The following KYNU variants were observed in gnomAD, a reference collection of about 807,000 sequenced individuals.
KYNU encodes kynureninase.
KYNU carries 54 observed loss-of-function variants against 59.2 expected under a neutral mutation model. That is an observed-to-expected ratio of 0.91 (90% CI 0.73 to 1.14). KYNU has a LOEUF of 1.14. KYNU is among the 50% of genes most tolerant of loss of function. The pLI is 0.00. For missense variants in KYNU, 567 were observed against 554.4 expected, an observed-to-expected ratio of 1.02 and a Z score of -0.23; for synonymous variants, 177 against 192.0, an observed-to-expected ratio of 0.92 and a Z score of 0.65.
At chr2:143,041,988 G>A (rs559960767) in intron 13 of KYNU, 59 bp from the exon 14 acceptor site, 58 of 1,570,598 alleles carry the variant, frequency 3.7e-5, no homozygotes, top group Non-Finnish European at 4.9e-5. Flanking sequence ...TATCTGGAAT[G>A]TAGATTTTCA....
chr2:142,957,734 A>AAT lies in KYNU; in HGVS notation c.582+22_582+23dup. 1 of 1,430,816 alleles carries AAT rather than the reference A, an allele frequency of 7.0e-7. No homozygotes were observed. The highest frequency in any genetic ancestry group is 1.1e-5 in the South Asian group (1 of 87,126). 88.6% of individuals were successfully genotyped at this position (1,430,816 alleles called of 1,614,324 possible). On this transcript the variant is annotated intron_variant, in intron 7 of 13. Transcript: ENST00000264170. ...AAGAGAGGTATATGAGAAAGAAAGA[A>AAT]ATATTTGTCATGCTTTGTTTAGTAT...
intron 4 of KYNU, among the ~76,000 whole-genome samples, chr2:142,929,247 G>GA (rs1037045832): frequency 1.8e-4 from 25 of 141,390 alleles, no homozygotes; most frequent in East Asian, 1.5e-3. Context: ...GAATGGAATA[G>GA]AAAAAAAAAT....
In KYNU at chr2:143,047,338, A is replaced by G. The variant is rs1687181541; in HGVS notation, c.*5166A>G. 6.6e-6 allele frequency: 1 copy of G among 152,092 alleles called. No homozygotes were observed. Among genetic ancestry groups the G allele is most frequent in the Non-Finnish European group, 1.5e-5 (1 of 68,026 alleles). The allele number at this position is 152,092 out of a possible 1,614,324, so 9.4% of individuals were successfully genotyped here. A position where few individuals can be genotyped will look rare whatever the true frequency, so the allele number is the denominator to read the frequency against. Reference sequence around the variant, plus strand: ...AGCAATCTTCCTGCCTCAGCTTCCCATATTCGGATTATACGCATGAGGCAT... The same window carrying G: ...AGCAATCTTCCTGCCTCAGCTTCCCGTATTCGGATTATACGCATGAGGCAT... On this transcript the variant is annotated 3_prime_UTR_variant, in exon 14 of 14. Coordinates refer to ENST00000264170, the MANE Select transcript of KYNU (RefSeq NM_003937.3).
intron 1 of KYNU, among the ~76,000 whole-genome samples, chr2:142,882,521 G>A (rs528333632): frequency 7.2e-5 from 11 of 151,934 alleles, no homozygotes; most frequent in South Asian, 2.1e-4. Flanking sequence ...GATGTTCCCC[G>A]CCCTGTGTCC....
intron 12 of KYNU, 90 bp from the exon 13 acceptor site, chr2:143,040,338 G>A: frequency 8.3e-6 from 7 of 839,306 alleles, no homozygotes; most frequent in Non-Finnish European, 1.4e-5. Context: ...TCAAATATGG[G>A]CATTTCCTTT....
chr2:142,992,582 GTCA>G (rs1685430165), intron 10 of KYNU, among the ~76,000 whole-genome samples: 2 of 151,510 alleles, frequency 1.3e-5, no homozygotes, highest in East Asian at 3.9e-4. Context: ...ATTTTCATTT[GTCA>G]TCAGATATTA....
intron 2 of KYNU, among the ~76,000 whole-genome samples, chr2:142,905,040 T>C (rs974404268): frequency 1.5e-4 from 23 of 152,194 alleles, no homozygotes; most frequent in Admixed American, 1.3e-3. Flanking sequence ...ACAGTTCTTA[T>C]GCAAATTCGT....
chr2:143,032,711 T>TTGTATG (rs145787098), intron 11 of KYNU, among the ~76,000 whole-genome samples: 33 of 129,454 alleles, frequency 2.5e-4, no homozygotes, highest in African/African-American at 9.6e-4. Flanking sequence ...GCTCCCTCTA[T>TTGTATG]TGTGTGTGTG....
At chr2:142,989,252 T>G in intron 10 of KYNU, 2 of 410,896 alleles carry the variant, frequency 4.9e-6, no homozygotes, top group Non-Finnish European at 7.0e-6. Flanking sequence ...TGCCAATTAA[T>G]AATTATATTT....
At chr2:142,927,860 T>A in intron 4 of KYNU, 119 bp downstream of exon 4, 2 of 727,720 alleles carry the variant, frequency 2.7e-6, no homozygotes, top group Non-Finnish European at 4.8e-6. Context: ...TCTATTTTAA[T>A]CTATAATAGT....
chr2:142,929,060 A>G (rs1683131090), intron 4 of KYNU, among the ~76,000 whole-genome samples: 1 of 150,248 alleles, frequency 6.7e-6, no homozygotes, highest in East Asian at 1.9e-4. Flanking sequence ...CCTTATCCTC[A>G]TAGACTGCCA....
chr2:142,927,084 A>T (rs1023713366), intron 3 of KYNU, among the ~76,000 whole-genome samples: 3 of 152,256 alleles, frequency 2.0e-5, no homozygotes, highest in Non-Finnish European at 2.9e-5. Flanking sequence ...ACTTACTAGA[A>T]TAATAAAATT....
At chr2:142,941,916 C>T (rs972827233) in intron 4 of KYNU, among the ~76,000 whole-genome samples, 1 of 152,038 alleles carries the variant, frequency 6.6e-6, no homozygotes, top group African/African-American at 2.4e-5. Context: ...CGCCTGTAAT[C>T]CCAACACTTT....
In KYNU at chr2:142,885,503, T is replaced by C. The variant is rs776106261; in HGVS notation, c.136T>C (p.Phe46Leu). ...TAAGCTGAGGCACTTCAGGGAGTGC[T>C]TTTATATTCCCAAAATACAGGATCT... ...EDKLRHFREC[F>L]YIPKIQDLPP... Residue 46 changes from phenylalanine to leucine, a missense_variant, in exon 2 of 14, where the codon TTT becomes CTT. Physicochemically the swap from Phe to Leu is conservative, Grantham distance 22. Transcript: ENST00000264170. 2.1e-5 allele frequency: 34 copies of C among 1,613,692 alleles called. No individual in the cohort carries two copies. The South Asian group carries it at 3.5e-4, about 17-fold the overall frequency.
intron 4 of KYNU, among the ~76,000 whole-genome samples, chr2:142,931,226 CAG>C (rs1481066283): frequency 1.3e-5 from 2 of 152,202 alleles, no homozygotes; most frequent in African/African-American, 4.8e-5. Flanking sequence ...TTTCAGGCCT[CAG>C]GGAGAATCGT....
chr2:142,957,349 A>G (rs1272808544), intron 6 of KYNU, among the ~76,000 whole-genome samples: 2 of 152,070 alleles, frequency 1.3e-5, no homozygotes, highest in Admixed American at 6.6e-5. Flanking sequence ...TTATTTTGCA[A>G]ATTCTGGTTT....
chr2:142,929,622 G>GT (rs1290219265), intron 4 of KYNU, among the ~76,000 whole-genome samples: 1 of 152,192 alleles, frequency 6.6e-6, no homozygotes, highest in Non-Finnish European at 1.5e-5. Context: ...CACATGTGAA[G>GT]TATCCATAGG....
intron 2 of KYNU, among the ~76,000 whole-genome samples, chr2:142,893,218 G>T (rs1400582504): frequency 6.6e-6 from 1 of 152,096 alleles, no homozygotes; most frequent in African/African-American, 2.4e-5. Context: ...ATATTATCTT[G>T]GCATCATACC....
intron 2 of KYNU, among the ~76,000 whole-genome samples, chr2:142,900,853 G>A (rs1354636866): frequency 6.6e-6 from 1 of 152,120 alleles, no homozygotes; most frequent in Non-Finnish European, 1.5e-5. Context: ...AGGCTGGTCC[G>A]GGTCTGCAGT....
Sources: gnomAD v4.1 joint callset for allele counts (sites outside exome capture counted in the v4.1 genomes callset) on GRCh38, gnomAD v4.1.1 for gene constraint, MANE v1.5 for transcripts, NCBI Gene and HGNC (gene_info 2026-07-23, HGNC 2026-07-21) for gene names.